The following RBMS3 variants were observed in gnomAD, a reference collection of about 807,000 sequenced individuals.
The protein encoded by RBMS3 is RNA-binding motif, single-stranded-interacting protein 3.
Under a neutral mutation model 66.8 loss-of-function variants are expected in RBMS3, and 27 were observed. That is an observed-to-expected ratio of 0.40 (90% CI 0.30 to 0.56). The LOEUF (loss-of-function observed/expected upper bound fraction) is 0.56. Among genes scored for constraint, RBMS3 ranks in the 20% least tolerant of loss-of-function variants. The pLI is 0.40. For synonymous variants in RBMS3, 188 were observed against 183.0 expected (o/e 1.03, Z -0.22); for missense variants, 513 against 549.5 (o/e 0.93, Z 0.66).
chr3:29,784,546 G>T (rs764550423), intron 6 of RBMS3, among the ~76,000 whole-genome samples: 1 of 152,028 alleles, frequency 6.6e-6, no homozygotes, highest in East Asian at 1.9e-4. Flanking sequence ...GGTGCTAAGA[G>T]GAAAGTTCAT....
chr3:29,689,268 C>A (rs966072390), intron 4 of RBMS3, among the ~76,000 whole-genome samples: 2 of 151,686 alleles, frequency 1.3e-5, no homozygotes, highest in African/African-American at 4.8e-5. Flanking sequence ...AAGCAAAATT[C>A]ATAATTTCAT....
chr3:29,286,241 T>C (rs1356706549), intron 1 of RBMS3, among the ~76,000 whole-genome samples: 1 of 152,096 alleles, frequency 6.6e-6, no homozygotes, highest in African/African-American at 2.4e-5. Flanking sequence ...GAATTTTTAA[T>C]TGGTTTCAAA....
intron 4 of RBMS3, among the ~76,000 whole-genome samples, chr3:29,595,618 A>G (rs1237480905): frequency 6.6e-6 from 1 of 152,114 alleles, no homozygotes; most frequent in African/African-American, 2.4e-5. Flanking sequence ...TCTAAACACC[A>G]TTGTTGTCCA....
At chr3:29,540,023 T>C (rs2045700846) in intron 3 of RBMS3, among the ~76,000 whole-genome samples, 1 of 152,210 alleles carries the variant, frequency 6.6e-6, no homozygotes, top group Admixed American at 6.5e-5. Flanking sequence ...CTGTTGCTTT[T>C]TTACTGGGTT....
intron 4 of RBMS3, among the ~76,000 whole-genome samples, chr3:29,607,611 G>C (rs2048356988): frequency 6.6e-6 from 1 of 151,848 alleles, no homozygotes; most frequent in African/African-American, 2.4e-5. Flanking sequence ...TGTACAATTG[G>C]CAAAAGGATT....
chr3:29,423,911 A>G (rs528158511), intron 1 of RBMS3, among the ~76,000 whole-genome samples: 1 of 152,286 alleles, frequency 6.6e-6, no homozygotes, highest in Admixed American at 6.5e-5. Flanking sequence ...GAGCAGCTGA[A>G]CAACCTTGAA....
At chr3:29,993,938 C>T (rs954605936) in intron 14 of RBMS3, among the ~76,000 whole-genome samples, 10 of 151,984 alleles carry the variant, frequency 6.6e-5, no homozygotes, top group East Asian at 1.9e-4. Context: ...CCAAGATGGC[C>T]GAATAGGAAC....
chr3:29,754,192 A>T (rs111646164), intron 5 of RBMS3, among the ~76,000 whole-genome samples: 14,698 of 152,156 alleles, frequency 0.097, 1,434 homozygotes, highest in African/African-American at 0.26. Flanking sequence ...ACCTCAAGTG[A>T]TCCTCTTGCC....
At chr3:29,369,447 G>T (rs1259582104) in intron 1 of RBMS3, among the ~76,000 whole-genome samples, 2 of 149,564 alleles carry the variant, frequency 1.3e-5, no homozygotes, top group African/African-American at 4.9e-5. Context: ...AACTTCTTAA[G>T]CCAGTGTCCC....
At chr3:29,830,675 A>T (rs2058348972) in intron 6 of RBMS3, among the ~76,000 whole-genome samples, 1 of 152,106 alleles carries the variant, frequency 6.6e-6, no homozygotes, top group Non-Finnish European at 1.5e-5. Flanking sequence ...TTATTTCTGT[A>T]AATTTAACTT....
chr3:29,840,215 C>T (rs1338462840), intron 6 of RBMS3, among the ~76,000 whole-genome samples: 1 of 151,908 alleles, frequency 6.6e-6, no homozygotes, highest in African/African-American at 2.4e-5. Context: ...TTATCAAGAA[C>T]ACCAAAAACT....
chr3:29,943,307 C>A (rs574338154), intron 11 of RBMS3, among the ~76,000 whole-genome samples: 2 of 151,908 alleles, frequency 1.3e-5, no homozygotes, highest in African/African-American at 2.4e-5. Context: ...TATCAAGTTT[C>A]TTTTAGAGTT....
At chr3:29,454,912 A>C (rs1210198677) in intron 2 of RBMS3, among the ~76,000 whole-genome samples, 2 of 152,214 alleles carry the variant, frequency 1.3e-5, no homozygotes, top group African/African-American at 4.8e-5. Flanking sequence ...AAATAATTTT[A>C]TAATATTAGA....
intron 12 of RBMS3, among the ~76,000 whole-genome samples, chr3:29,971,456 T>A (rs77963615): frequency 0.11 from 16,085 of 152,122 alleles, 1,574 homozygotes; most frequent in African/African-American, 0.23. Flanking sequence ...TAGGGGAATT[T>A]TTTTACTGGT....
chr3:29,764,424 C>T (rs559965552), intron 6 of RBMS3, among the ~76,000 whole-genome samples: 1 of 151,778 alleles, frequency 6.6e-6, no homozygotes, highest in Non-Finnish European at 1.5e-5. Flanking sequence ...AGACACTTTA[C>T]TCAAATCCGT....
chr3:29,332,327 TTTTG>T (rs1559494671), intron 1 of RBMS3, among the ~76,000 whole-genome samples: 2 of 152,162 alleles, frequency 1.3e-5, no homozygotes, highest in Non-Finnish European at 2.9e-5. Flanking sequence ...TCTTGCCTCC[TTTTG>T]TTTTTTTTCC....
intron 6 of RBMS3, among the ~76,000 whole-genome samples, chr3:29,798,278 AG>A (rs1412155097): frequency 2.3e-4 from 26 of 113,508 alleles, no homozygotes; most frequent in Admixed American, 8.9e-5. Flanking sequence ...AGGGAAGGGA[AG>A]GGAAGGGAAG....
At chr3:29,760,443 G>C (rs540190264) in intron 5 of RBMS3, among the ~76,000 whole-genome samples, 3 of 151,918 alleles carry the variant, frequency 2.0e-5, no homozygotes, top group Admixed American at 1.3e-4. Flanking sequence ...ACAGGGAGGG[G>C]GCTCTGAGGC....
intron 3 of RBMS3, among the ~76,000 whole-genome samples, chr3:29,562,924 T>C (rs2046607927): frequency 6.6e-6 from 1 of 152,210 alleles, no homozygotes; most frequent in Admixed American, 6.5e-5. Context: ...TTTGTGTTTT[T>C]AGCTTAAAGA....
Sources: gnomAD v4.1 joint callset for allele counts (sites outside exome capture counted in the v4.1 genomes callset) on GRCh38, gnomAD v4.1.1 for gene constraint, MANE v1.5 for transcripts, NCBI Gene and HGNC (gene_info 2026-07-23, HGNC 2026-07-21) for gene names.